The following BLTP3A variants were observed in gnomAD, a reference collection of about 807,000 sequenced individuals.
The protein encoded by BLTP3A is bridge-like lipid transfer protein family member 3A.
the BLTP3A span, chr6:34,867,466 G>T: frequency 3.0e-5 from 48 of 1,613,932 alleles, no homozygotes; most frequent in Non-Finnish European, 2.5e-5. Flanking sequence ...CCTTTGATAG[G>T]TCTCAGTTCT....
At chr6:34,823,152 C>A in the BLTP3A span, 1 of 952,672 alleles carries the variant, frequency 1.0e-6, no homozygotes, top group Admixed American at 1.7e-5. Flanking sequence ...GGGTATAGCA[C>A]TTGACTAGGC....
At chr6:34,809,073 A>T in the BLTP3A span, among the ~76,000 whole-genome samples, 2 of 152,186 alleles carry the variant, frequency 1.3e-5, no homozygotes, top group Non-Finnish European at 2.9e-5. Context: ...GATAAGAAAA[A>T]CATGACAAAG....
At chr6:34,837,227 T>C in the BLTP3A span, among the ~76,000 whole-genome samples, 1 of 152,204 alleles carries the variant, frequency 6.6e-6, no homozygotes, top group African/African-American at 2.4e-5. Flanking sequence ...CTCTAAAGGC[T>C]TTGTTTACCT....
chr6:34,875,674 A>G, the BLTP3A span: 6 of 152,076 alleles, frequency 3.9e-5, no homozygotes, highest in Non-Finnish European at 7.4e-5. Flanking sequence ...GTCTTTCCTT[A>G]TGTGGCAGCT....
chr6:34,827,108 C>G, the BLTP3A span, among the ~76,000 whole-genome samples: 4 of 152,158 alleles, frequency 2.6e-5, no homozygotes, highest in Middle Eastern at 0.01. Flanking sequence ...GTCAGGAGAT[C>G]GAGACCAGCC....
chr6:34,873,400 T>C, the BLTP3A span: 1 of 152,200 alleles, frequency 6.6e-6, no homozygotes, highest in Admixed American at 6.5e-5. Context: ...CCCTTGGTGG[T>C]TTGGGAGCTG....
At chr6:34,850,176 C>T in the BLTP3A span, among the ~76,000 whole-genome samples, 1 of 151,962 alleles carries the variant, frequency 6.6e-6, no homozygotes, top group Non-Finnish European at 1.5e-5. Context: ...TCCTTCATCA[C>T]TTTAAATATG....
chr6:34,837,979 G>A, the BLTP3A span, among the ~76,000 whole-genome samples: 1 of 152,046 alleles, frequency 6.6e-6, no homozygotes, highest in South Asian at 2.1e-4. Context: ...GCTTGATAAG[G>A]GATGTTTAGT....
At chr6:34,871,948 G>A in the BLTP3A span, 16 of 1,607,994 alleles carry the variant, frequency 1.0e-5, no homozygotes, top group South Asian at 1.7e-4. Context: ...CAGAACAGTA[G>A]CTGCCCATAA....
chr6:34,859,496 C>T, the BLTP3A span: 50 of 1,614,054 alleles, frequency 3.1e-5, no homozygotes, highest in Non-Finnish European at 3.6e-5. Flanking sequence ...GTGTCCCTGA[C>T]TAAGGATGCC....
the BLTP3A span, chr6:34,867,297 C>T: frequency 6.2e-7 from 1 of 1,614,138 alleles, no homozygotes; most frequent in Non-Finnish European, 8.5e-7. Flanking sequence ...CAAGGGAGCC[C>T]TCTTGTGAAT....
chr6:34,846,364 C>T, the BLTP3A span, among the ~76,000 whole-genome samples: 3 of 151,836 alleles, frequency 2.0e-5, no homozygotes, highest in Non-Finnish European at 2.9e-5. Context: ...AGGCTGGTCT[C>T]GAATTCTTGA....
At chr6:34,857,934 A>G in the BLTP3A span, 1 of 1,605,956 alleles carries the variant, frequency 6.2e-7, no homozygotes, top group East Asian at 2.2e-5. Flanking sequence ...GGAGAGTGTG[A>G]CTTTTATCCC....
At chr6:34,834,210 G>T in the BLTP3A span, 29 of 1,612,924 alleles carry the variant, frequency 1.8e-5, no homozygotes, top group South Asian at 2.8e-4. Context: ...TACCTCATTT[G>T]TTGTAGTGAA....
At chr6:34,798,285 C>T in the BLTP3A span, among the ~76,000 whole-genome samples, 1 of 152,140 alleles carries the variant, frequency 6.6e-6, no homozygotes, top group Non-Finnish European at 1.5e-5. Flanking sequence ...TTTACTTGTA[C>T]ATTTTACTGT....
the BLTP3A span, among the ~76,000 whole-genome samples, chr6:34,869,640 CTTTT>C: frequency 3.4e-4 from 28 of 81,510 alleles, no homozygotes; most frequent in East Asian, 2.9e-3. Flanking sequence ...ACATACACCA[CTTTT>C]TTTTTTTTTT....
chr6:34,867,658 C>G, the BLTP3A span: 1 of 1,586,836 alleles, frequency 6.3e-7, no homozygotes, highest in Non-Finnish European at 8.6e-7. Flanking sequence ...TGGGACTTGT[C>G]TAGGACAGCC....
the BLTP3A span, among the ~76,000 whole-genome samples, chr6:34,845,483 A>C: frequency 5.9e-5 from 9 of 152,186 alleles, no homozygotes. Context: ...CAGTGGTACA[A>C]TCATGGCTCA....
chr6:34,827,482 G>T, the BLTP3A span, among the ~76,000 whole-genome samples: 5 of 152,084 alleles, frequency 3.3e-5, no homozygotes, highest in Non-Finnish European at 5.9e-5. Context: ...TAACATAAAT[G>T]ATTTACTTTT....
Sources: gnomAD v4.1 joint callset for allele counts (sites outside exome capture counted in the v4.1 genomes callset) on GRCh38, gnomAD v4.1.1 for gene constraint, MANE v1.5 for transcripts, NCBI Gene and HGNC (gene_info 2026-07-23, HGNC 2026-07-21) for gene names.